Variants in KCNH7 observed in about 807,000 individuals in gnomAD.
KCNH7 encodes voltage-gated inwardly rectifying potassium channel KCNH7.
In KCNH7, 49 loss-of-function variants were observed where a neutral mutation model predicts 120.8. That is an observed-to-expected ratio of 0.41 (90% CI 0.32 to 0.51). KCNH7 has a LOEUF of 0.51. Among genes scored for constraint, KCNH7 ranks in the 20% least tolerant of loss-of-function variants. The probability of loss-of-function intolerance (pLI) is 0.38; values close to 1 mark genes in which losing one functional copy is unlikely to be tolerated. For missense variants in KCNH7, 1,097 were observed against 1,446.6 expected (o/e 0.76, Z 3.92); for synonymous variants, 547 against 516.1 (o/e 1.06, Z -0.81).
At chr2:162,766,824 C>G (rs1559123434) in intron 2 of KCNH7, among the ~76,000 whole-genome samples, 2 of 151,010 alleles carry the variant, frequency 1.3e-5, no homozygotes, top group Admixed American at 1.3e-4. Context: ...TCTAGTGAAT[C>G]TGTGCTCTGT....
At chr2:162,748,207 C>A (rs1353842907) in intron 2 of KCNH7, among the ~76,000 whole-genome samples, 1 of 152,164 alleles carries the variant, frequency 6.6e-6, no homozygotes, top group Admixed American at 6.5e-5. Flanking sequence ...GTACCCAGAA[C>A]ACAATATAGA....
At chr2:162,486,431 T>G (rs761112319) in intron 6 of KCNH7, among the ~76,000 whole-genome samples, 2 of 152,150 alleles carry the variant, frequency 1.3e-5, no homozygotes, top group African/African-American at 4.8e-5. Context: ...AAGATAGGCT[T>G]CAAAACACAG....
chr2:162,526,438 A>G (rs1267540642), intron 3 of KCNH7, among the ~76,000 whole-genome samples: 3 of 151,868 alleles, frequency 2.0e-5, no homozygotes, highest in African/African-American at 7.2e-5. Context: ...GCGCTACGGG[A>G]GACTGGGGCT....
intron 2 of KCNH7, among the ~76,000 whole-genome samples, chr2:162,788,113 A>G (rs1403892384): frequency 2.6e-5 from 4 of 152,198 alleles, no homozygotes; most frequent in Admixed American, 2.6e-4. Flanking sequence ...AAGAAAAAAA[A>G]ATAAAGCATC....
chr2:162,598,723 T>G (rs1392982068), intron 2 of KCNH7, among the ~76,000 whole-genome samples: 1 of 152,164 alleles, frequency 6.6e-6, no homozygotes, highest in Non-Finnish European at 1.5e-5. Flanking sequence ...AAAAGTTCTT[T>G]CTAGCATTAA....
chr2:162,731,232 ATGTG>A (rs35948876), intron 2 of KCNH7, among the ~76,000 whole-genome samples: 5 of 143,326 alleles, frequency 3.5e-5, no homozygotes, highest in South Asian at 2.1e-4. Context: ...ATATATATAT[ATGTG>A]TGTGTGTGTG....
intron 6 of KCNH7, among the ~76,000 whole-genome samples, chr2:162,452,227 T>A (rs1326168899): frequency 6.6e-6 from 1 of 151,986 alleles, no homozygotes; most frequent in Admixed American, 6.6e-5. Context: ...GAATGATGGA[T>A]AGTTACTATT....
intron 6 of KCNH7, among the ~76,000 whole-genome samples, chr2:162,465,173 T>G (rs1214184580): frequency 1.3e-5 from 2 of 152,130 alleles, no homozygotes; most frequent in Admixed American, 6.5e-5. Context: ...GAAGCACTGC[T>G]CTGAGACCAG....
Position 162,736,768 on chromosome 2 carries a change from C to A in KCNH7, c.307+99769G>T, listed in dbSNP as rs1223710939. The stretch of plus-strand genomic sequence containing the variant: ...GAATTTGAAGAATGACAGCAAGAGG[C>A]AATGGAACTTTCTAAAGAAAATGAA... On this transcript the variant is annotated intron_variant, in intron 2 of 15. Transcript: ENST00000332142. Among the ~76,000 whole-genome samples the A allele has an allele frequency of 5.9e-5, 9 of 152,062 alleles. No homozygotes were observed. In the East Asian group the frequency reaches 1.7e-3, roughly 29 times the overall value.
intron 2 of KCNH7, among the ~76,000 whole-genome samples, chr2:162,559,078 CA>C (rs1270814815): frequency 5.2e-4 from 66 of 127,160 alleles, no homozygotes; most frequent in African/African-American, 2.0e-3. Context: ...AAAAAAAAAG[CA>C]AAAAAACAAA....
At chr2:162,551,258 G>A (rs571152717) in intron 2 of KCNH7, among the ~76,000 whole-genome samples, 1 of 152,146 alleles carries the variant, frequency 6.6e-6, no homozygotes, top group East Asian at 1.9e-4. Flanking sequence ...AACATTCCAG[G>A]GGAACCCTCA....
At chr2:162,402,821 A>G (rs144942771) in intron 9 of KCNH7, among the ~76,000 whole-genome samples, 14 of 151,870 alleles carry the variant, frequency 9.2e-5, no homozygotes, top group Admixed American at 6.6e-4. Context: ...GTGTGTGTGC[A>G]TGCACATACA....
intron 9 of KCNH7, among the ~76,000 whole-genome samples, chr2:162,414,855 A>G (rs1405420741): frequency 1.3e-5 from 2 of 152,080 alleles, no homozygotes; most frequent in Non-Finnish European, 2.9e-5. Flanking sequence ...ATAACTTTTT[A>G]TCTAAGGAAT....
intron 2 of KCNH7, among the ~76,000 whole-genome samples, chr2:162,823,700 T>C (rs1483815722): frequency 6.6e-6 from 1 of 152,190 alleles, no homozygotes; most frequent in Non-Finnish European, 1.5e-5. Context: ...TTAGCACACA[T>C]AACTTCTGCT....
At chr2:162,805,736 T>G (rs1460704353) in intron 2 of KCNH7, among the ~76,000 whole-genome samples, 1 of 152,142 alleles carries the variant, frequency 6.6e-6, no homozygotes, top group Non-Finnish European at 1.5e-5. Flanking sequence ...CTACTGGATA[T>G]CTATCCAAAT....
intron 2 of KCNH7, among the ~76,000 whole-genome samples, chr2:162,713,985 G>A (rs543402186): frequency 1.2e-4 from 18 of 152,266 alleles, no homozygotes; most frequent in Admixed American, 9.8e-4. Context: ...CTGAAATCAG[G>A]TGATCCACCG....
intron 3 of KCNH7, among the ~76,000 whole-genome samples, chr2:162,530,642 T>C (rs1208417733): frequency 2.0e-5 from 3 of 152,038 alleles, no homozygotes; most frequent in African/African-American, 7.2e-5. Flanking sequence ...GTAGTTACAA[T>C]GTAGGTTTTG....
intron 2 of KCNH7, among the ~76,000 whole-genome samples, chr2:162,687,071 T>A (rs763535905): frequency 3.4e-4 from 52 of 152,244 alleles, no homozygotes; most frequent in Admixed American, 7.9e-4. Context: ...CTATCTTTCC[T>A]CAGTAATAAA....
At chr2:162,726,161 C>A (rs1463874027) in intron 2 of KCNH7, among the ~76,000 whole-genome samples, 1 of 152,068 alleles carries the variant, frequency 6.6e-6, no homozygotes, top group Non-Finnish European at 1.5e-5. Flanking sequence ...ATACACTAAG[C>A]CTACCTCTAT....
Sources: gnomAD v4.1 joint callset for allele counts (sites outside exome capture counted in the v4.1 genomes callset) on GRCh38, gnomAD v4.1.1 for gene constraint, MANE v1.5 for transcripts, NCBI Gene and HGNC (gene_info 2026-07-23, HGNC 2026-07-21) for gene names.